ZNF182: variants seen among roughly 807,000 people sequenced by gnomAD.
ZNF182 encodes the protein zinc finger protein 21 (KOX 14).
ZNF182 carries 10 observed loss-of-function variants against 28.1 expected under a neutral mutation model. The ratio of observed to expected loss-of-function variants is 0.36; its 90% CI spans 0.22 to 0.60. The LOEUF (loss-of-function observed/expected upper bound fraction) is 0.60. ZNF182 is among the 20% of genes least tolerant of loss of function. The pLI is 0.75. For synonymous variants in ZNF182, 156 were observed against 158.7 expected, an observed-to-expected ratio of 0.98 and a Z score of 0.13; for missense variants, 352 against 453.2, an observed-to-expected ratio of 0.78 and a Z score of 2.03.
intron 3 of ZNF182, chrX:47,988,481 C>T: frequency 2.2e-6 from 1 of 455,026 alleles, no homozygotes; most frequent in Non-Finnish European, 4.0e-6. Context: ...AGTCTGGTGC[C>T]TCCCTCCCCC....
In ZNF182 at chrX:47,976,943, T is replaced by C; in HGVS notation, c.1087A>G (p.Thr363Ala). 1 of 1,209,454 alleles carries C rather than the reference T, an allele frequency of 8.3e-7. No homozygotes were observed. The highest frequency in any genetic ancestry group is 1.1e-6 in the Non-Finnish European group (1 of 894,779). ...KPHECNECKK[T>A]FSDKSTLIIH... Reference sequence around the variant, plus strand: ...ATGAGAGTTGACTTATCACTGAAAGTTTTCTTACACTCATTACATTCATGG... The same window carrying C: ...ATGAGAGTTGACTTATCACTGAAAGCTTTCTTACACTCATTACATTCATGG... The change falls in exon 6 of 6, where the codon ACT (threonine) becomes GCT (alanine). Residue 363 changes from threonine (T) to alanine (A), a missense_variant. Thr to Ala is a moderately conservative substitution (Grantham distance 58). Transcript: ENST00000376943.
intron 3 of ZNF182, among the ~76,000 whole-genome samples, chrX:47,991,680 G>A (rs2058942180): frequency 9.0e-6 from 1 of 111,582 alleles, no homozygotes; most frequent in Non-Finnish European, 1.9e-5. Context: ...AGTGATGCAA[G>A]AGACAACCAA....
intron 3 of ZNF182, among the ~76,000 whole-genome samples, chrX:47,989,868 C>T (rs782177595): frequency 8.9e-6 from 1 of 111,736 alleles, no homozygotes; most frequent in East Asian, 2.8e-4. Flanking sequence ...CCACATCAGA[C>T]TTGGAATATA....
In ZNF182 at chrX:47,977,683, C is replaced by T. The variant is rs140603964; in HGVS notation, c.347G>A (p.Arg116His). The T allele has an allele frequency of 2.2e-5, 26 of 1,209,210 alleles. No homozygotes were observed. The African/African-American group carries it at 3.7e-4, about 17-fold the overall frequency. The change falls in exon 6 of 6, where the codon CGT becomes CAT. Residue 116 changes from arginine to histidine, a missense_variant. Arg to His is a conservative substitution (Grantham distance 29, BLOSUM62 0). Transcript: ENST00000376943. ...TATGTTTCCAAACTCATGACAGTCA[C>T]GAGCACTCTTGGTGATAATTGTTTT... ...DKKTIITKSA[R>H]DCHEFGNILH...
At chrX:47,987,016 C>A (rs2058925473) in intron 3 of ZNF182, among the ~76,000 whole-genome samples, 1 of 111,890 alleles carries the variant, frequency 8.9e-6, no homozygotes, top group African/African-American at 3.2e-5. Flanking sequence ...TTGCAGAAAA[C>A]CTACTGTGGG....
chrX:47,994,615 C>T (rs1556900819), intron 3 of ZNF182, among the ~76,000 whole-genome samples: 1 of 111,828 alleles, frequency 8.9e-6, no homozygotes, highest in African/African-American at 3.3e-5. Context: ...GTCCCCTTCT[C>T]TCCAGAGGGT....
intron 3 of ZNF182, among the ~76,000 whole-genome samples, chrX:47,997,268 G>A (rs1252799842): frequency 1.9e-5 from 2 of 104,889 alleles, no homozygotes; most frequent in African/African-American, 7.0e-5. Flanking sequence ...GCAGTGAGCT[G>A]AGATCATGCC....
intron 3 of ZNF182, among the ~76,000 whole-genome samples, chrX:47,988,069 C>A (rs59279227): frequency 0.011 from 1,181 of 111,036 alleles, 20 homozygotes; most frequent in African/African-American, 0.037. Flanking sequence ...GTAATCCCAG[C>A]ACTTTGGGAG....
At chrX:47,979,536 A>T in intron 5 of ZNF182, among the ~76,000 whole-genome samples, 1 of 111,089 alleles carries the variant, frequency 9.0e-6, no homozygotes, top group South Asian at 3.8e-4. Flanking sequence ...TAAAGGAATT[A>T]TAACAGTGCC....
chrX:47,997,316 TAA>T (rs35766283), intron 3 of ZNF182, among the ~76,000 whole-genome samples: 1 of 65,547 alleles, frequency 1.5e-5, no homozygotes, highest in Non-Finnish European at 2.9e-5. Context: ...GAGATCCTGC[TAA>T]AAAAAAAAAA....
At position 47,989,342 on chromosome X, in the gene ZNF182, T is replaced by A. The variant is rs782345309; in HGVS notation, c.16-5931A>T. Among the ~76,000 whole-genome samples the A allele has an allele frequency of 1.9e-3, 202 of 107,997 alleles. 1 individual carries two copies. Among genetic ancestry groups the A allele is most frequent in the Non-Finnish European group, 1.4e-3 (71 of 52,247 alleles). 93.8% of individuals were successfully genotyped at this position (107,997 alleles called of 115,157 possible). A position where few individuals can be genotyped will look rare whatever the true frequency, so the allele number is the denominator to read the frequency against. On this transcript the variant is annotated intron_variant, in intron 3 of 5. Transcript: ENST00000376943. ...CTTGGGAGGCTAAGGCACAAGAATC[T>A]CCTGAATGTGGGAGGTGGAGGTTGC... is the stretch of plus-strand genomic sequence containing the variant.
At chrX:47,998,170 C>T (rs1175916994) in intron 3 of ZNF182, among the ~76,000 whole-genome samples, 1 of 108,326 alleles carries the variant, frequency 9.2e-6, no homozygotes, top group Non-Finnish European at 1.9e-5. Flanking sequence ...CTGCAACCTC[C>T]GCCTCCTGTG....
chrX:47,990,337 G>T (rs1201119160), intron 3 of ZNF182, among the ~76,000 whole-genome samples: 5 of 110,727 alleles, frequency 4.5e-5, no homozygotes, highest in African/African-American at 1.6e-4. Flanking sequence ...GCTACACAGG[G>T]CTCAACATAC....
Position 47,977,391 on chromosome X carries a change from T to C in ZNF182, c.639A>G (p.Lys213=). The C allele has an allele frequency of 8.3e-7, 1 of 1,205,240 alleles. No individual in the cohort carries two copies. Among genetic ancestry groups the C allele is most frequent in the Non-Finnish European group, 1.1e-6 (1 of 893,447 alleles). Reference sequence around the variant, plus strand: ...TCCTACATGCAGTACATTCAAAGGGTTTCTCTCCATTTTTAATTCTCTGAT... The same window carrying C: ...TCCTACATGCAGTACATTCAAAGGGCTTCTCTCCATTTTTAATTCTCTGAT... ...SLHQRIKNGE[K]PFECTACRKT... The change falls in exon 6 of 6, where the codon AAA becomes AAG. Residue 213 remains lysine, a synonymous_variant. Coordinates refer to ENST00000376943, the MANE Select transcript of ZNF182 (RefSeq NM_001007088.2).
At position 47,977,491 on chromosome X, in the gene ZNF182, G is replaced by T; in HGVS notation, c.539C>A (p.Thr180Lys). 8.3e-7 allele frequency: 1 copy of T among 1,211,398 alleles called. No homozygotes were observed. Among genetic ancestry groups the T allele is most frequent in the Non-Finnish European group, 1.1e-6 (1 of 895,413 alleles). The change falls in exon 6 of 6, where the codon ACA (threonine) becomes AAA (lysine). Residue 180 changes from threonine to lysine, a missense_variant. Physicochemically the swap from Thr to Lys is moderately conservative, Grantham distance 78. Coordinates refer to ENST00000376943, the MANE Select transcript of ZNF182 (RefSeq NM_001007088.2). ...KLFFHTEYEKTNPGMKPYGYK... is the reference protein window; with the variant it reads ...KLFFHTEYEKKNPGMKPYGYK... ...GCCATAGGGCTTCATTCCAGGATTT[G>T]TTTTCTCATACTCAGTATGGAAGAA...
chrX:47,988,298 C>G (rs1464823193), intron 3 of ZNF182, among the ~76,000 whole-genome samples: 1 of 110,056 alleles, frequency 9.1e-6, no homozygotes, highest in East Asian at 2.9e-4. Context: ...GCCTGGGCAA[C>G]AGAGTGAGAG....
chrX:47,986,072 G>A (rs1162347240), intron 3 of ZNF182, among the ~76,000 whole-genome samples: 1 of 112,037 alleles, frequency 8.9e-6, no homozygotes, highest in Non-Finnish European at 1.9e-5. Flanking sequence ...TAAAGTCAAT[G>A]GGAAACTACA....
chrX:47,988,491 C>G lies in ZNF182; in HGVS notation c.16-5080G>C, dbSNP rs782442382. On this transcript the variant is annotated intron_variant, in intron 3 of 5. Transcript: ENST00000376943. ...TAAAGAGTCTGGTGCCTCCCTCCCC[C>G]ACTCTTGCTCCCACTCTTGCCATGT... The G allele has an allele frequency of 8.6e-6, 4 of 463,690 alleles. No individual in the cohort carries two copies. In the South Asian group the frequency reaches 1.4e-4, roughly 16 times the overall value. The allele number at this position is 463,690 out of a possible 1,213,427, so 38.2% of individuals were successfully genotyped here.
Position 47,977,109 on chromosome X carries a change from G to A in ZNF182, c.921C>T (p.Ala307=). The change falls in exon 6 of 6, where the codon GCC becomes GCT. Residue 307 remains alanine (A), a synonymous_variant. Coordinates refer to ENST00000376943, the MANE Select transcript of ZNF182 (RefSeq NM_001007088.2). The part of the protein sequence containing the change: ...KPYECNECGK[A]FTQKSNLIVH... ...CAATGAGGTTGGACTTCTGAGTGAA[G>A]GCTTTTCCACATTCATTACATTCAT... The A allele has an allele frequency of 2.5e-6, 3 of 1,211,313 alleles. No homozygotes were observed. The highest frequency in any genetic ancestry group is 3.4e-6 in the Non-Finnish European group (3 of 895,395).
Sources: allele counts gnomAD v4.1 joint callset (sites outside exome capture counted in the v4.1 genomes callset), GRCh38; gene constraint gnomAD v4.1.1; transcripts MANE v1.5; gene names NCBI Gene and HGNC (gene_info 2026-07-23, HGNC 2026-07-21).